The following LOC128706666 variants were observed in gnomAD, a reference collection of about 807,000 sequenced individuals.
At chr20:10,421,766 T>A in the LOC128706666 span, among the ~76,000 whole-genome samples, 1 of 151,672 alleles carries the variant, frequency 6.6e-6, no homozygotes, top group South Asian at 2.1e-4. Flanking sequence ...ACAAAGTTAG[T>A]TAGCTTTTAA....
chr20:10,429,556 C>G, the LOC128706666 span, among the ~76,000 whole-genome samples: 1 of 152,192 alleles, frequency 6.6e-6, no homozygotes, highest in Non-Finnish European at 1.5e-5. Context: ...CTCTTTCCCT[C>G]CCAAACTGCT....
At chr20:10,415,963 A>T in the LOC128706666 span, among the ~76,000 whole-genome samples, 1 of 152,150 alleles carries the variant, frequency 6.6e-6, no homozygotes, top group African/African-American at 2.4e-5. Context: ...CCTGAACAAA[A>T]GAAGGTACAA....
chr20:10,417,246 A>AAT, the LOC128706666 span, among the ~76,000 whole-genome samples: 2 of 716 alleles, frequency 2.8e-3, no homozygotes, highest in Admixed American at 0.026. Flanking sequence ...ACTCCATCTT[A>AAT]AAAAAAAAAA....
chr20:10,426,411 C>T, the LOC128706666 span, among the ~76,000 whole-genome samples: 167 of 112,466 alleles, frequency 1.5e-3, 1 homozygote, highest in Middle Eastern at 0.024. Flanking sequence ...GCATGTTGTT[C>T]TTTTTTCTTT....
At chr20:10,432,789 CAAAAAAAAAAA>C in the LOC128706666 span, among the ~76,000 whole-genome samples, 1 of 74,558 alleles carries the variant, frequency 1.3e-5, no homozygotes, top group Non-Finnish European at 2.5e-5. Context: ...GACTCTTTGT[CAAAAAAAAAAA>C]AAAAAAAAAA....
chr20:10,429,886 G>A, the LOC128706666 span, among the ~76,000 whole-genome samples: 72,737 of 151,976 alleles, frequency 0.48, 18,283 homozygotes, highest in Non-Finnish European at 0.56. Context: ...CTGACCTACT[G>A]AGTCAGAAAC....
chr20:10,433,470 A>G, the LOC128706666 span, among the ~76,000 whole-genome samples: 7 of 152,342 alleles, frequency 4.6e-5, no homozygotes, highest in East Asian at 1.2e-3. Flanking sequence ...AGACACGTGT[A>G]TATCTGTTTA....
chr20:10,427,212 A>G, the LOC128706666 span, among the ~76,000 whole-genome samples: 2 of 152,206 alleles, frequency 1.3e-5, no homozygotes, highest in Non-Finnish European at 2.9e-5. Context: ...CTTCCTGCAA[A>G]ATTAGGCCTA....
At chr20:10,419,440 G>T in the LOC128706666 span, among the ~76,000 whole-genome samples, 1 of 152,064 alleles carries the variant, frequency 6.6e-6, no homozygotes, top group Non-Finnish European at 1.5e-5. Context: ...AATTTCTGCA[G>T]TGAAACTCAA....
At chr20:10,430,597 T>G in the LOC128706666 span, among the ~76,000 whole-genome samples, 13 of 152,192 alleles carry the variant, frequency 8.5e-5, no homozygotes, top group Non-Finnish European at 1.6e-4. Context: ...CAGTTTCAGT[T>G]AGTTAGCTAA....
chr20:10,424,179 T>C, the LOC128706666 span, among the ~76,000 whole-genome samples: 2 of 152,000 alleles, frequency 1.3e-5, no homozygotes, highest in African/African-American at 2.4e-5. Context: ...CTGAGCAAGA[T>C]GGAATTAGCA....
At chr20:10,428,189 G>C in the LOC128706666 span, among the ~76,000 whole-genome samples, 1 of 152,222 alleles carries the variant, frequency 6.6e-6, no homozygotes, top group African/African-American at 2.4e-5. Flanking sequence ...AATGGTTGTA[G>C]TGGTTTATAG....
the LOC128706666 span, among the ~76,000 whole-genome samples, chr20:10,428,995 C>A: frequency 6.6e-6 from 1 of 152,154 alleles, no homozygotes; most frequent in Non-Finnish European, 1.5e-5. Context: ...CTCTTAAGGG[C>A]CTTTCTCTTT....
At chr20:10,421,361 T>C in the LOC128706666 span, among the ~76,000 whole-genome samples, 1 of 150,120 alleles carries the variant, frequency 6.7e-6, no homozygotes, top group East Asian at 1.9e-4. Context: ...GAGGTGGAGG[T>C]TGCAGTGAGC....
chr20:10,415,401 T>C, the LOC128706666 span, among the ~76,000 whole-genome samples: 5 of 152,206 alleles, frequency 3.3e-5, no homozygotes, highest in Admixed American at 2.6e-4. Flanking sequence ...GGGAATGTTA[T>C]GCAAATGTTA....
the LOC128706666 span, among the ~76,000 whole-genome samples, chr20:10,433,195 C>T: frequency 6.6e-6 from 1 of 152,296 alleles, no homozygotes; most frequent in Admixed American, 6.5e-5. Flanking sequence ...TAGCAGAGAC[C>T]GGGTTTCGCC....
chr20:10,425,633 C>T, the LOC128706666 span, among the ~76,000 whole-genome samples: 2 of 152,332 alleles, frequency 1.3e-5, no homozygotes, highest in East Asian at 3.9e-4. Context: ...TTCCAAGAGG[C>T]ATGGACTGTC....
At chr20:10,430,333 T>G in the LOC128706666 span, among the ~76,000 whole-genome samples, 1 of 152,228 alleles carries the variant, frequency 6.6e-6, no homozygotes, top group African/African-American at 2.4e-5. Flanking sequence ...TCACTTAATC[T>G]CATTGTGCTT....
At chr20:10,424,202 A>G in the LOC128706666 span, among the ~76,000 whole-genome samples, 3 of 152,086 alleles carry the variant, frequency 2.0e-5, no homozygotes, top group African/African-American at 7.2e-5. Context: ...TTAAAATGAC[A>G]TTGGCATATA....
Sources: gnomAD v4.1 joint callset for allele counts (sites outside exome capture counted in the v4.1 genomes callset) on GRCh38, gnomAD v4.1.1 for gene constraint, MANE v1.5 for transcripts.